GPHN: variants seen among roughly 807,000 people sequenced by gnomAD.
The protein encoded by GPHN is gephyrin.
In GPHN, 17 loss-of-function variants were observed where a neutral mutation model predicts 95.5. The ratio of observed to expected loss-of-function variants is 0.18; its 90% CI spans 0.12 to 0.27. GPHN has a LOEUF of 0.27. GPHN is among the 10% of genes least tolerant of loss of function. The pLI is 1.00. For synonymous variants in GPHN, 320 were observed against 322.5 expected, an observed-to-expected ratio of 0.99 and a Z score of 0.08; for missense variants, 660 against 978.1, an observed-to-expected ratio of 0.67 and a Z score of 4.34.
chr14:66,619,693 C>G (rs898194681), intron 1 of GPHN, among the ~76,000 whole-genome samples: 1 of 152,094 alleles, frequency 6.6e-6, no homozygotes, highest in African/African-American at 2.4e-5. Flanking sequence ...TCTTTCACAT[C>G]TATCTTGAGA....
At chr14:66,579,098 A>C (rs577213145) in intron 1 of GPHN, among the ~76,000 whole-genome samples, 98 of 151,988 alleles carry the variant, frequency 6.4e-4, no homozygotes, top group African/African-American at 2.1e-3. Flanking sequence ...AAATTGTAGA[A>C]TTCTTGTGTG....
chr14:67,133,192 A>G (rs1026382507), intron 17 of GPHN, among the ~76,000 whole-genome samples: 2 of 152,050 alleles, frequency 1.3e-5, no homozygotes, highest in South Asian at 4.2e-4. Context: ...ATGATAATAG[A>G]TGTCCTCAGC....
At chr14:67,657,773 C>CAG in the GPHN span, among the ~76,000 whole-genome samples, 140,518 of 144,778 alleles carry the variant, frequency 0.97, 68,321 homozygotes, top group East Asian at 1. Flanking sequence ...TTTTTTGAGA[C>CAG]AGTCTCGCTC....
chr14:66,970,364 A>C (rs1304758895), intron 9 of GPHN, among the ~76,000 whole-genome samples: 1 of 152,216 alleles, frequency 6.6e-6, no homozygotes, highest in Non-Finnish European at 1.5e-5. Flanking sequence ...TTTTTAATGT[A>C]TGAGTCTGAA....
At chr14:67,007,387 TATAA>T (rs1228686993) in intron 9 of GPHN, among the ~76,000 whole-genome samples, 2 of 152,188 alleles carry the variant, frequency 1.3e-5, no homozygotes, top group Non-Finnish European at 2.9e-5. Context: ...GCTGATGAAA[TATAA>T]ATAAACAAAA....
the GPHN span, chr14:67,279,404 A>G: frequency 3.1e-6 from 5 of 1,614,004 alleles, no homozygotes; most frequent in Middle Eastern, 1.7e-4. Flanking sequence ...AAAAGCAAGA[A>G]CTTGACCTTA....
chr14:66,834,480 C>G (rs8016186), intron 4 of GPHN, among the ~76,000 whole-genome samples: 48,661 of 151,808 alleles, frequency 0.32, 12,325 homozygotes, highest in African/African-American at 0.68. Flanking sequence ...GTTGAATTTT[C>G]TCAAAGGCCT....
chr14:66,613,013 T>C (rs779502904), intron 1 of GPHN, among the ~76,000 whole-genome samples: 60 of 152,098 alleles, frequency 3.9e-4, no homozygotes, highest in Non-Finnish European at 7.1e-4. Context: ...AATATATACA[T>C]GTAAGCCTTT....
the GPHN span, among the ~76,000 whole-genome samples, chr14:67,380,326 T>G: frequency 1.4e-5 from 2 of 139,690 alleles, no homozygotes; most frequent in Admixed American, 1.4e-4. Context: ...TTTTTCCATG[T>G]TTTTTTTTTC....
At chr14:66,953,915 A>G (rs2068295423) in intron 8 of GPHN, among the ~76,000 whole-genome samples, 1 of 152,114 alleles carries the variant, frequency 6.6e-6, no homozygotes, top group Admixed American at 6.5e-5. Context: ...GGTGCCTGTA[A>G]TCCCAGCTAC....
chr14:67,191,667 C>A, the GPHN span, among the ~76,000 whole-genome samples: 2 of 152,178 alleles, frequency 1.3e-5, no homozygotes, highest in South Asian at 2.1e-4. Context: ...CCTAATGGAG[C>A]CTTGATCATC....
chr14:66,887,932 G>A (rs573985121), intron 5 of GPHN, among the ~76,000 whole-genome samples: 14 of 152,212 alleles, frequency 9.2e-5, no homozygotes, highest in African/African-American at 3.1e-4. Context: ...AAATGCTAGA[G>A]ATCAAAAACA....
intron 17 of GPHN, among the ~76,000 whole-genome samples, chr14:67,123,608 G>A (rs867512156): frequency 6.6e-6 from 1 of 152,126 alleles, no homozygotes; most frequent in Non-Finnish European, 1.5e-5. Flanking sequence ...CCTGGGGGGC[G>A]GAGGTTGAAG....
chr14:67,052,638 A>G (rs1237442750), intron 10 of GPHN, among the ~76,000 whole-genome samples: 1 of 152,200 alleles, frequency 6.6e-6, no homozygotes, highest in African/African-American at 2.4e-5. Flanking sequence ...AAACAACAGA[A>G]TATATATTCT....
At chr14:67,279,159 T>G in the GPHN span, 1 of 1,554,268 alleles carries the variant, frequency 6.4e-7, no homozygotes, top group South Asian at 1.2e-5. Flanking sequence ...GTACAGGTTT[T>G]CATAGATAAC....
chr14:67,314,195 A>C, the GPHN span, among the ~76,000 whole-genome samples: 32 of 145,746 alleles, frequency 2.2e-4, no homozygotes, highest in African/African-American at 8.6e-4. Context: ...AAAGAAGAAA[A>C]GGAGGGCATG....
At chr14:66,690,132 G>C (rs577832392) in intron 2 of GPHN, among the ~76,000 whole-genome samples, 1 of 151,350 alleles carries the variant, frequency 6.6e-6, no homozygotes, top group South Asian at 2.1e-4. Flanking sequence ...TAGCTTGTTA[G>C]GCTATTTGAA....
At chr14:66,678,567 A>T (rs766487561) in intron 1 of GPHN, among the ~76,000 whole-genome samples, 5 of 151,692 alleles carry the variant, frequency 3.3e-5, no homozygotes, top group Non-Finnish European at 7.4e-5. Flanking sequence ...AAATTTGTTA[A>T]GGTATTTCAT....
chr14:67,168,828 C>T (rs1311471329), intron 20 of GPHN, 105 bp from the exon 21 acceptor site: 1 of 798,628 alleles, frequency 1.3e-6, no homozygotes, highest in African/African-American at 1.7e-5. Context: ...AAAATAGTGC[C>T]TAGTCACTTC....
Sources: gnomAD v4.1 joint callset for allele counts (sites outside exome capture counted in the v4.1 genomes callset) on GRCh38, gnomAD v4.1.1 for gene constraint, MANE v1.5 for transcripts, NCBI Gene and HGNC (gene_info 2026-07-23, HGNC 2026-07-21) for gene names.